The following CHAC2 variants were observed in gnomAD, a reference collection of about 807,000 sequenced individuals.
CHAC2 encodes the protein ChaC glutathione specific gamma-glutamylcyclotransferase 2, also known as glutathione-specific gamma-glutamylcyclotransferase 2.
In CHAC2, 20 loss-of-function variants were observed where a neutral mutation model predicts 16.9. That is an observed-to-expected ratio of 1.18 (90% confidence interval 0.83 to 1.72). The LOEUF (loss-of-function observed/expected upper bound fraction) is 1.72. Ranked by LOEUF, CHAC2 falls within the 40% of genes most tolerant of loss-of-function variation. CHAC2 has a pLI of 0.00. For missense variants in CHAC2, 269 were observed against 222.2 expected (o/e 1.21, Z -1.34); for synonymous variants, 91 against 77.3 (o/e 1.18, Z -0.93).
intron 2 of CHAC2, among the ~76,000 whole-genome samples, chr2:53,773,334 G>T (rs1233823345): frequency 6.7e-6 from 1 of 150,152 alleles, no homozygotes. Flanking sequence ...ATGATACAAA[G>T]AAATTATTCA....
Position 53,771,953 on chromosome 2 carries a change from A to C in CHAC2, c.171+11A>C, listed in dbSNP as rs1673946413. 6.9e-7 allele frequency: 1 copy of C among 1,450,724 alleles called. No individual in the cohort carries two copies. Among genetic ancestry groups the C allele is most frequent in the Non-Finnish European group, 9.4e-7 (1 of 1,067,076 alleles). The allele number at this position is 1,450,724 out of a possible 1,614,324, so 89.9% of individuals were successfully genotyped here. ...GTTGAAGATCCTGCGGTATGGTATA[A>C]ATATTCTTTTTTGTATAATTTTAAT... is the stretch of plus-strand genomic sequence containing the variant. On this transcript the variant is annotated intron_variant, in intron 2 of 2. Transcript: ENST00000295304.
rs754610884 is a variant in CHAC2 at position 53,774,395 on chromosome 2, C to T, written c.425C>T (p.Thr142Ile). Residue 142 changes from threonine (T) to isoleucine (I), a missense_variant, in exon 3 of 3, where the codon ACA becomes ATA. Thr to Ile is a moderately conservative substitution (Grantham distance 89, BLOSUM62 -1). Transcript: ENST00000295304. ...FNAAGPSGRN[T>I]EYLFELANSI... ...GCAGCTGGTCCAAGTGGAAGAAATACAGAATATCTTTTTGAACTTGCAAAT... is the reference window on the plus strand; with the variant it reads ...GCAGCTGGTCCAAGTGGAAGAAATATAGAATATCTTTTTGAACTTGCAAAT... The T allele has an allele frequency of 1.2e-6, 2 of 1,613,258 alleles. No homozygotes were observed. The highest frequency in any genetic ancestry group is 2.2e-5 in the South Asian group (2 of 90,678).
At position 53,774,697 on chromosome 2, in the gene CHAC2, A is replaced by C; in HGVS notation, c.*172A>C. 1 of 508,524 alleles carries C rather than the reference A, an allele frequency of 2.0e-6. No homozygotes were observed. The highest frequency in any genetic ancestry group is 3.3e-6 in the Non-Finnish European group (1 of 303,242). The allele number at this position is 508,524 out of a possible 1,614,324, so 31.5% of individuals were successfully genotyped here. ...TTGGGATACAGTGAAAGAAAAATTC[A>C]AATTTTAATAACATAAAGATTTCCT... On this transcript the variant is annotated 3_prime_UTR_variant, in exon 3 of 3. Transcript: ENST00000295304.
intron 1 of CHAC2, among the ~76,000 whole-genome samples, chr2:53,769,939 C>G (rs1049969254): frequency 2.6e-5 from 4 of 152,186 alleles, no homozygotes; most frequent in Non-Finnish European, 2.9e-5. Flanking sequence ...TATCTTAGCT[C>G]TATTTATTTC....
chr2:53,770,394 C>T (rs761621443), intron 1 of CHAC2, among the ~76,000 whole-genome samples: 1 of 150,056 alleles, frequency 6.7e-6, no homozygotes, highest in Non-Finnish European at 1.5e-5. Flanking sequence ...AGACATTGGG[C>T]ATACAAGTAG....
intron 1 of CHAC2, among the ~76,000 whole-genome samples, chr2:53,771,245 T>TGG (rs1159779417): frequency 6.6e-6 from 1 of 152,214 alleles, no homozygotes; most frequent in African/African-American, 2.4e-5. Flanking sequence ...CCGGGTGCGG[T>TGG]GGCTCACGCC....
chr2:53,774,610 G>C lies in CHAC2; in HGVS notation c.*85G>C, dbSNP rs1281894650. On this transcript the variant is annotated 3_prime_UTR_variant, in exon 3 of 3. Coordinates refer to ENST00000295304, the MANE Select transcript of CHAC2 (RefSeq NM_001008708.4). The stretch of plus-strand genomic sequence containing the variant: ...ACTTAAAGATCTTATTTTTAATGTA[G>C]TGAGGATATTATTTAAACTTTTATT... 1.0e-6 allele frequency: 1 copy of C among 993,468 alleles called. No homozygotes were observed. The highest frequency in any genetic ancestry group is 1.4e-6 in the Non-Finnish European group (1 of 697,578). 61.5% of individuals were successfully genotyped at this position (993,468 alleles called of 1,614,324 possible).
At chr2:53,769,842 CA>C (rs950177394) in intron 1 of CHAC2, among the ~76,000 whole-genome samples, 2 of 149,718 alleles carry the variant, frequency 1.3e-5, no homozygotes, top group African/African-American at 2.5e-5. Flanking sequence ...AATTCCGTCT[CA>C]AAAAAAAAGA....
At chr2:53,771,186 G>A (rs1244561138) in intron 1 of CHAC2, among the ~76,000 whole-genome samples, 1 of 152,138 alleles carries the variant, frequency 6.6e-6, no homozygotes, top group Non-Finnish European at 1.5e-5. Flanking sequence ...CCTATATATA[G>A]GAAAGCACCC....
intron 1 of CHAC2, among the ~76,000 whole-genome samples, chr2:53,769,781 G>T (rs954325901): frequency 6.6e-6 from 1 of 152,204 alleles, no homozygotes; most frequent in Non-Finnish European, 1.5e-5. Context: ...GGCAGACGTT[G>T]CGGTGAGCTG....
Position 53,773,171 on chromosome 2 carries a change from CTAAT to C in CHAC2, c.172-967_172-964del, listed in dbSNP as rs559747943. ...TCTTCAAATTGGTAACTTATAACTC[CTAAT>C]TAAACAGTTAATAAACAAATGGCAC... On this transcript the variant is annotated intron_variant, in intron 2 of 2. Transcript: ENST00000295304. Among the ~76,000 whole-genome samples, 6 of 152,136 alleles carry C rather than the reference CTAAT, an allele frequency of 3.9e-5. 1 individual carries two copies. In the South Asian group the frequency reaches 6.2e-4, roughly 16 times the overall value.
In CHAC2 at chr2:53,767,978, G is replaced by C. The variant is rs760377911; in HGVS notation, c.92G>C (p.Arg31Pro). 64 of 1,614,026 alleles carry C rather than the reference G, an allele frequency of 4.0e-5. No homozygotes were observed. Among genetic ancestry groups the C allele is most frequent in the Non-Finnish European group, 5.4e-5 (64 of 1,179,966 alleles). The change falls in exon 1 of 3, where the codon CGC (arginine) becomes CCC (proline). Residue 31 changes from arginine to proline, a missense_variant. Physicochemically the swap from Arg to Pro is moderately radical, Grantham distance 103. Coordinates refer to ENST00000295304, the MANE Select transcript of CHAC2 (RefSeq NM_001008708.4). ...LVGYITNYSR[R>P]FWQGSTDHRG... ...GGATACATCACCAACTACAGCAGGC[G>C]CTTCTGGCAGGGCAGCACGGACCAC...
At chr2:53,768,718 T>C (rs1673676801) in intron 1 of CHAC2, among the ~76,000 whole-genome samples, 1 of 152,242 alleles carries the variant, frequency 6.6e-6, no homozygotes, top group Non-Finnish European at 1.5e-5. Flanking sequence ...ATAATTATAA[T>C]ATGAAATGTA....
In CHAC2 at chr2:53,774,183, G is replaced by C; in HGVS notation, c.213G>C (p.Lys71Asn). The change falls in exon 3 of 3, where the codon AAG (lysine) becomes AAC (asparagine). Residue 71 changes from lysine (K) to asparagine (N), a missense_variant. Transcript: ENST00000295304. ...WGVAYRLPVG[K>N]EEEVKAYLDF... ...TTGCTTACAGATTGCCAGTAGGAAA[G>C]GAAGAAGAAGTAAAAGCATACCTTG... 6.2e-7 allele frequency: 1 copy of C among 1,612,666 alleles called. No individual in the cohort carries two copies. Among genetic ancestry groups the C allele is most frequent in the Non-Finnish European group, 8.5e-7 (1 of 1,179,502 alleles).
At position 53,767,940 on chromosome 2, in the gene CHAC2, G is replaced by A. The variant is rs1329737760; in HGVS notation, c.54G>A (p.Gln18=). Residue 18 remains glutamine (Q), a synonymous_variant, in exon 1 of 3, where the codon CAG becomes CAA. Coordinates refer to ENST00000295304, the MANE Select transcript of CHAC2 (RefSeq NM_001008708.4). ...SLIWKVDFPY[Q]DKLVGYITNY... Reference sequence around the variant, plus strand: ...TCTGGAAGGTGGATTTCCCCTATCAGGACAAGCTGGTCGGATACATCACCA... The same window carrying A: ...TCTGGAAGGTGGATTTCCCCTATCAAGACAAGCTGGTCGGATACATCACCA... The A allele has an allele frequency of 6.2e-7, 1 of 1,614,128 alleles. No homozygotes were observed. Among genetic ancestry groups the A allele is most frequent in the East Asian group, 2.2e-5 (1 of 44,882 alleles).
At chr2:53,771,334 G>A (rs754826750) in intron 1 of CHAC2, among the ~76,000 whole-genome samples, 79 of 152,060 alleles carry the variant, frequency 5.2e-4, no homozygotes, top group Middle Eastern at 6.3e-3. Flanking sequence ...GGCCAACATG[G>A]TAAACCCGTC....
rs1341045967 is a variant in CHAC2 at position 53,770,505 on chromosome 2, A to T, written c.136-1402A>T. On this transcript the variant is annotated intron_variant, in intron 1 of 2. Coordinates refer to ENST00000295304, the MANE Select transcript of CHAC2 (RefSeq NM_001008708.4). ...CCGTGGACGAAGTTTATTTAAAAAA[A>T]AAAAAAAAAAAAAAAAAAGCTTGCA... Among the ~76,000 whole-genome samples, 24 of 150,892 alleles carry T rather than the reference A, an allele frequency of 1.6e-4. No homozygotes were observed. In the South Asian group the frequency reaches 4.8e-3, roughly 30 times the overall value.
chr2:53,770,360 G>T (rs980223535), intron 1 of CHAC2, among the ~76,000 whole-genome samples: 1 of 152,082 alleles, frequency 6.6e-6, no homozygotes, highest in African/African-American at 2.4e-5. Flanking sequence ...CAAATGCCTG[G>T]ATGATTTAGG....
At chr2:53,772,027 A>G (rs774903182) in intron 2 of CHAC2, 85 bp downstream of exon 2, 28 of 816,358 alleles carry the variant, frequency 3.4e-5, no homozygotes, top group Non-Finnish European at 5.3e-5. Flanking sequence ...AACAATCATC[A>G]CAGACAATTT....
Sources: allele counts gnomAD v4.1 joint callset (sites outside exome capture counted in the v4.1 genomes callset), GRCh38; gene constraint gnomAD v4.1.1; transcripts MANE v1.5; gene names NCBI Gene and HGNC (gene_info 2026-07-23, HGNC 2026-07-21).